The following JMJD6 variants were observed in gnomAD, a reference collection of about 807,000 sequenced individuals.
JMJD6 encodes the protein bifunctional arginine demethylase and lysyl-hydroxylase JMJD6.
JMJD6 carries 17 observed loss-of-function variants against 45.8 expected under a neutral mutation model. The ratio of observed to expected loss-of-function variants is 0.37; its 90% CI spans 0.25 to 0.56. JMJD6 has a LOEUF of 0.56. Among genes scored for constraint, JMJD6 ranks in the 20% least tolerant of loss-of-function variants. JMJD6 has a pLI of 0.79. For missense variants in JMJD6, 470 were observed against 517.5 expected, an observed-to-expected ratio of 0.91 and a Z score of 0.89; for synonymous variants, 221 against 196.3, an observed-to-expected ratio of 1.13 and a Z score of -1.05.
downstream of JMJD6, chr17:76,714,037 C>T (rs2076747329): frequency 6.6e-6 from 1 of 152,202 alleles, no homozygotes; most frequent in Non-Finnish European, 1.5e-5. Flanking sequence ...CTATTGAACG[C>T]TTGAATTATT....
At chr17:76,720,569 G>A (rs1311086107) in intron 4 of JMJD6, 71 bp from the exon 5 acceptor site, 5 of 1,507,658 alleles carry the variant, frequency 3.3e-6, no homozygotes, top group South Asian at 1.1e-5. Flanking sequence ...ACTCAGAGTC[G>A]AGGCCTGTGT....
intron 1 of JMJD6, 128 bp downstream of exon 1, chr17:76,726,219 C>T: frequency 1.6e-6 from 2 of 1,272,876 alleles, no homozygotes; most frequent in Non-Finnish European, 1.0e-6. Flanking sequence ...CCAAACTCCG[C>T]GGGGTGCGGG....
At chr17:76,724,894 G>A (rs943438742) in intron 2 of JMJD6, among the ~76,000 whole-genome samples, 4 of 152,080 alleles carry the variant, frequency 2.6e-5, no homozygotes, top group African/African-American at 9.7e-5. Context: ...ACCTCCCTTA[G>A]AGATCAGTGC....
chr17:76,726,358 C>T lies in JMJD6; in HGVS notation c.118G>A (p.Ala40Thr). ...NYYESFSLSPAAVADNVERAD... is the reference protein window; with the variant it reads ...NYYESFSLSPTAVADNVERAD... ...CCCGACCCGCTCACCGCCACGGCCG[C>T]CGGGCTCAGCGAGAAGCTCTCGTAG... The change falls in exon 1 of 6, where the codon GCG (alanine) becomes ACG (threonine). Residue 40 changes from alanine (A) to threonine (T), a missense_variant. Transcript: ENST00000397625. 6.3e-7 allele frequency: 1 copy of T among 1,589,028 alleles called. No homozygotes were observed. The highest frequency in any genetic ancestry group is 8.5e-7 in the Non-Finnish European group (1 of 1,170,248).
rs1366225731 is a variant in JMJD6 at position 76,724,036 on chromosome 17, G to A, written c.541C>T (p.Arg181Cys). ...TCGATGTGAATCCCAGTTCCGGAGCGTGGTGGCCCCATCACAAACCACCTA... is the reference window on the plus strand; with the variant it reads ...TCGATGTGAATCCCAGTTCCGGAGCATGGTGGCCCCATCACAAACCACCTA... ...PYRWFVMGPP[R>C]SGTGIHIDPL... Residue 181 changes from arginine to cysteine, a missense_variant, in exon 3 of 6, where the codon CGC becomes TGC. By Grantham distance (180) the Arg-to-Cys change is radical (BLOSUM62 -3). Around this residue, in one of 4 missense-constraint regions of JMJD6, gnomAD observed 346 missense variants for 339.5 expected, o/e 1.02. Coordinates refer to ENST00000397625, the MANE Select transcript of JMJD6 (RefSeq NM_015167.3). The A allele has an allele frequency of 1.1e-5, 18 of 1,613,938 alleles. No homozygotes were observed. The highest frequency in any genetic ancestry group is 1.6e-4 in the Middle Eastern group (1 of 6,078).
chr17:76,721,984 T>C, intron 3 of JMJD6, 51 bp from the exon 4 acceptor site: 1 of 1,598,864 alleles, frequency 6.3e-7, no homozygotes, highest in Non-Finnish European at 8.5e-7. Flanking sequence ...TATACCTAAT[T>C]ACTGTATAAC....
downstream of JMJD6, chr17:76,714,926 GGT>G (rs1031199311): frequency 6.6e-6 from 1 of 152,304 alleles, no homozygotes. Context: ...TGGGATTACA[GGT>G]GTGAGCCACT....
Position 76,725,676 on chromosome 17 carries a change from C to G in JMJD6, c.309G>C (p.Glu103Asp). The change falls in exon 2 of 6, where the codon GAG becomes GAC. Residue 103 changes from glutamate (E) to aspartate (D), a missense_variant. By Grantham distance (45) the Glu-to-Asp change is conservative. Around this residue, in one of 4 missense-constraint regions of JMJD6, gnomAD observed 346 missense variants for 339.5 expected, o/e 1.02. Transcript: ENST00000397625. The part of the protein sequence containing the change: ...KYRNQKFKCG[E>D]DNDGYSVKMK... Reference sequence around the variant, plus strand: ...TCTTCACTGAGTAGCCATCGTTATCCTCACCACACTTGAACTTCTGGTTCC... The same window carrying G: ...TCTTCACTGAGTAGCCATCGTTATCGTCACCACACTTGAACTTCTGGTTCC... 4 of 1,614,046 alleles carry G rather than the reference C, an allele frequency of 2.5e-6. No individual in the cohort carries two copies. The highest frequency in any genetic ancestry group is 3.4e-6 in the Non-Finnish European group (4 of 1,180,008).
At chr17:76,718,402 G>A (rs2076783552), downstream of JMJD6, 2 of 1,228,130 alleles carry the variant, frequency 1.6e-6, no homozygotes, top group Non-Finnish European at 2.1e-6. Flanking sequence ...ATGAGGAGAA[G>A]AGCAATAAGG....
Position 76,718,817 on chromosome 17 carries a change from T to C in JMJD6, c.1124A>G (p.Lys375Arg). The change falls in exon 6 of 6, where the codon AAG becomes AGG. Residue 375 changes from lysine to arginine, a missense_variant. Transcript: ENST00000397625. ...SEGDGTVHRR[K>R]KRRTCSMVGN... Reference sequence around the variant, plus strand: ...CACCATGCTGCACGTCCTCCTCTTCTTCCTGCGGTGCACTGTCCCATCGCC... The same window carrying C: ...CACCATGCTGCACGTCCTCCTCTTCCTCCTGCGGTGCACTGTCCCATCGCC... The C allele has an allele frequency of 6.2e-7, 1 of 1,614,236 alleles. No homozygotes were observed. The highest frequency in any genetic ancestry group is 8.5e-7 in the Non-Finnish European group (1 of 1,180,028).
At chr17:76,724,423 G>A (rs1008930101) in intron 2 of JMJD6, among the ~76,000 whole-genome samples, 1 of 152,022 alleles carries the variant, frequency 6.6e-6, no homozygotes, top group Non-Finnish European at 1.5e-5. Flanking sequence ...ACCTGGCCAG[G>A]TTTTAATTTT....
chr17:76,720,028 C>T (rs749949168), intron 5 of JMJD6, among the ~76,000 whole-genome samples: 3 of 152,124 alleles, frequency 2.0e-5, no homozygotes, highest in Non-Finnish European at 4.4e-5. Context: ...GCCTGTAATC[C>T]CAGCTACCAG....
intron 2 of JMJD6, 146 bp from the exon 3 acceptor site, chr17:76,724,204 T>G (rs2076866336): frequency 1.2e-6 from 1 of 827,934 alleles, no homozygotes; most frequent in South Asian, 1.8e-5. Context: ...GACAGTAACC[T>G]CTGCTTCCCC....
At position 76,718,707 on chromosome 17, in the gene JMJD6, T is replaced by C; in HGVS notation, c.*22A>G. The C allele has an allele frequency of 1.9e-6, 3 of 1,612,592 alleles. No individual in the cohort carries two copies. Among genetic ancestry groups the C allele is most frequent in the Non-Finnish European group, 2.5e-6 (3 of 1,179,094 alleles). On this transcript the variant is annotated 3_prime_UTR_variant, in exon 6 of 6. Coordinates refer to ENST00000397625, the MANE Select transcript of JMJD6 (RefSeq NM_015167.3). ...CCCTTGCCGCGAGCGTGTCCTTCCATACAGACAACAGCCTTGCTGGGTCAC... is the reference window on the plus strand; with the variant it reads ...CCCTTGCCGCGAGCGTGTCCTTCCACACAGACAACAGCCTTGCTGGGTCAC...
chr17:76,724,025 A>G lies in JMJD6; in HGVS notation c.552T>C (p.Thr184=), dbSNP rs1036919078. ...WFVMGPPRSG[T]GIHIDPLGTS... ...TTCCCAGAGGGTCGATGTGAATCCC[A>G]GTTCCGGAGCGTGGTGGCCCCATCA... Residue 184 remains threonine, a synonymous_variant, in exon 3 of 6, where the codon ACT becomes ACC. Coordinates refer to ENST00000397625, the MANE Select transcript of JMJD6 (RefSeq NM_015167.3). 5 of 1,614,134 alleles carry G rather than the reference A, an allele frequency of 3.1e-6. No homozygotes were observed. The highest frequency in any genetic ancestry group is 4.2e-6 in the Non-Finnish European group (5 of 1,180,022).
intron 3 of JMJD6, 106 bp from the exon 4 acceptor site, chr17:76,722,039 A>T: frequency 8.3e-7 from 1 of 1,210,418 alleles, no homozygotes; most frequent in Non-Finnish European, 1.2e-6. Context: ...GGGAGAGCCT[A>T]CAGAGACATG....
downstream of JMJD6, chr17:76,716,818 C>T (rs2076768283): frequency 5.3e-6 from 7 of 1,310,798 alleles, no homozygotes; most frequent in Admixed American, 5.2e-5. Context: ...CCCCGGGACC[C>T]CACGTGGAAG....
chr17:76,725,057 A>C (rs2076889446), intron 2 of JMJD6, among the ~76,000 whole-genome samples: 1 of 152,126 alleles, frequency 6.6e-6, no homozygotes, highest in Admixed American at 6.5e-5. Context: ...GGGAGTACTC[A>C]CTGTTTCCAA....
downstream of JMJD6, chr17:76,714,823 A>G (rs1036418064): frequency 6.6e-6 from 1 of 152,104 alleles, no homozygotes; most frequent in Non-Finnish European, 1.5e-5. Context: ...CTAGATTATT[A>G]TTTTTTTGAG....
Sources: gnomAD v4.1 joint callset for allele counts (sites outside exome capture counted in the v4.1 genomes callset) on GRCh38, gnomAD v4.1.1 for gene constraint, gnomAD v4.1.1 regional missense constraint, MANE v1.5 for transcripts, NCBI Gene and HGNC (gene_info 2026-07-23, HGNC 2026-07-21) for gene names.